GRIA4: variants seen among roughly 807,000 people sequenced by gnomAD.
The protein encoded by GRIA4 is glutamate ionotropic receptor AMPA type subunit 4.
GRIA4 carries 34 observed loss-of-function variants against 104.0 expected under a neutral mutation model. The observed-to-expected ratio is 0.33, with a 90% confidence interval of 0.25 to 0.44. GRIA4 has a LOEUF of 0.44. Ranked by LOEUF, GRIA4 falls within the 20% of genes least tolerant of loss-of-function variation. The pLI is 1.00. For missense variants in GRIA4, 750 were observed against 1,096.5 expected (o/e 0.68, Z 4.46); for synonymous variants, 386 against 381.9 (o/e 1.01, Z -0.13).
At chr11:105,822,107 T>G (rs755398080) in intron 4 of GRIA4, among the ~76,000 whole-genome samples, 3 of 152,146 alleles carry the variant, frequency 2.0e-5, no homozygotes, top group Non-Finnish European at 4.4e-5. Flanking sequence ...TTTGTAGACG[T>G]AGGGTTATTT....
intron 4 of GRIA4, among the ~76,000 whole-genome samples, chr11:105,759,240 T>A (rs1341740035): frequency 6.6e-6 from 1 of 152,208 alleles, no homozygotes; most frequent in Non-Finnish European, 1.5e-5. Flanking sequence ...CATTTTGATA[T>A]TCTTGGTCAT....
rs182319433 is a variant in GRIA4 at position 105,958,009 on chromosome 11, G to A, written c.2295-13905G>A. ...TTGCTTATCAGCTTAAGGAGATTTTGGCCTGAGATGATGGGGTTTTCTAAA... is the reference window on the plus strand; with the variant it reads ...TTGCTTATCAGCTTAAGGAGATTTTAGCCTGAGATGATGGGGTTTTCTAAA... On this transcript the variant is annotated intron_variant, in intron 14 of 16. Coordinates refer to ENST00000282499, the MANE Select transcript of GRIA4 (RefSeq NM_000829.4). Among the ~76,000 whole-genome samples, 80 of 152,224 alleles carry A rather than the reference G, an allele frequency of 5.3e-4. 1 individual carries two copies. Among genetic ancestry groups the A allele is most frequent in the Middle Eastern group, 3.4e-3 (1 of 294 alleles).
chr11:105,834,322 A>AC (rs1944094456), intron 4 of GRIA4, among the ~76,000 whole-genome samples: 1 of 152,104 alleles, frequency 6.6e-6, no homozygotes, highest in Non-Finnish European at 1.5e-5. Flanking sequence ...CAAGTATAAT[A>AC]GAAACTCAAT....
chr11:105,618,873 TGAG>T (rs1950667215), intron 3 of GRIA4, among the ~76,000 whole-genome samples: 1 of 151,586 alleles, frequency 6.6e-6, no homozygotes, highest in Non-Finnish European at 1.5e-5. Context: ...CAAAGAAAGC[TGAG>T]GAGAAGGGGT....
At chr11:105,734,027 T>C (rs1938772798) in intron 3 of GRIA4, among the ~76,000 whole-genome samples, 1 of 147,188 alleles carries the variant, frequency 6.8e-6, no homozygotes, top group Non-Finnish European at 1.5e-5. Context: ...TATGAATTCA[T>C]ATATATGTAT....
At chr11:105,840,573 A>G (rs1944355135) in intron 4 of GRIA4, among the ~76,000 whole-genome samples, 1 of 152,156 alleles carries the variant, frequency 6.6e-6, no homozygotes, top group Non-Finnish European at 1.5e-5. Flanking sequence ...TGTGCTGTAT[A>G]ATATTGGTGG....
intron 6 of GRIA4, among the ~76,000 whole-genome samples, chr11:105,894,791 AT>A (rs569292239): frequency 0.011 from 1,441 of 126,330 alleles, 53 homozygotes; most frequent in East Asian, 0.034. Context: ...ATTGCTACAT[AT>A]TTTTTTTTTT....
chr11:105,727,040 C>A (rs1396274712), intron 3 of GRIA4, among the ~76,000 whole-genome samples: 8 of 151,922 alleles, frequency 5.3e-5, no homozygotes, highest in Admixed American at 5.3e-4. Flanking sequence ...ATGAGTTTGA[C>A]AAATTGACAG....
chr11:105,731,248 T>C (rs1377007700), intron 3 of GRIA4, among the ~76,000 whole-genome samples: 1 of 152,148 alleles, frequency 6.6e-6, no homozygotes, highest in Non-Finnish European at 1.5e-5. Context: ...AAAGAAGACA[T>C]TCATGCGGCC....
rs908622443 is a variant in GRIA4 at position 105,644,546 on chromosome 11, G to C, written c.247+32112G>C. Among the ~76,000 whole-genome samples the C allele has an allele frequency of 1.5e-4, 23 of 152,166 alleles. 1 individual carries two copies. Among genetic ancestry groups the C allele is most frequent in the African/African-American group, 4.1e-4 (17 of 41,442 alleles). On this transcript the variant is annotated intron_variant, in intron 3 of 16. Transcript: ENST00000282499. Reference sequence around the variant, plus strand: ...TTGAACCTGGGAGATGGAGGTTGCAGTGAGCTGAGATCGTGCAATCGCACT... The same window carrying C: ...TTGAACCTGGGAGATGGAGGTTGCACTGAGCTGAGATCGTGCAATCGCACT...
rs116617654 is a variant in GRIA4 at position 105,741,049 on chromosome 11, G to A, written c.248-11932G>A. 2.5e-3 allele frequency among the ~76,000 whole-genome samples: 378 copies of A among 152,258 alleles called. 4 individuals are homozygous for A. The highest frequency in any genetic ancestry group is 8.2e-3 in the African/African-American group (341 of 41,558). On this transcript the variant is annotated intron_variant, in intron 3 of 16. Transcript: ENST00000282499. The stretch of plus-strand genomic sequence containing the variant: ...AGTTAGAAGAGTTAGGAGACTTGAA[G>A]CTGACTGGGCAAAAAATGGCAGCGT...
chr11:105,798,453 A>AT (rs2135828219), intron 4 of GRIA4, among the ~76,000 whole-genome samples: 1 of 152,226 alleles, frequency 6.6e-6, no homozygotes, highest in East Asian at 1.9e-4. Context: ...GGGAACAAAG[A>AT]TAAAAAGAGG....
chr11:105,826,955 T>A (rs1943791713), intron 4 of GRIA4, among the ~76,000 whole-genome samples: 1 of 152,074 alleles, frequency 6.6e-6, no homozygotes, highest in Non-Finnish European at 1.5e-5. Flanking sequence ...TTGTATAACC[T>A]GGTTGACATA....
intron 4 of GRIA4, among the ~76,000 whole-genome samples, chr11:105,812,717 T>C (rs1392200700): frequency 2.0e-5 from 3 of 152,150 alleles, no homozygotes; most frequent in African/African-American, 7.2e-5. Flanking sequence ...AATCATACCC[T>C]ACTCGCTAAA....
intron 3 of GRIA4, among the ~76,000 whole-genome samples, chr11:105,676,648 C>T (rs138588393): frequency 5.0e-4 from 76 of 151,628 alleles, no homozygotes; most frequent in Non-Finnish European, 9.6e-4. Flanking sequence ...ATGTTGGTGG[C>T]GACAGAAGTG....
In GRIA4 at chr11:105,898,294, G is replaced by A. The variant is rs764745185; in HGVS notation, c.752G>A (p.Arg251Lys). 1.9e-6 allele frequency: 3 copies of A among 1,566,030 alleles called. No individual in the cohort carries two copies. Among genetic ancestry groups the A allele is most frequent in the East Asian group, 2.2e-5 (1 of 44,510 alleles). ...NLGFKDISLE[R>K]FIHGGANVTG... ...GGATTCAAGGATATTTCTCTTGAGA[G>A]GTTTATACATGGTGGAGCCAATGTT... Residue 251 changes from arginine (R) to lysine (K), a missense_variant, in exon 7 of 17, where the codon AGG (arginine) becomes AAG (lysine). This residue lies in a region of GRIA4 where 410 missense variants were observed against 502.7 expected (regional missense o/e 0.82). Coordinates refer to ENST00000282499, the MANE Select transcript of GRIA4 (RefSeq NM_000829.4).
intron 2 of GRIA4, among the ~76,000 whole-genome samples, 177 bp downstream of exon 2, chr11:105,611,262 G>A (rs1325859627): frequency 6.6e-6 from 1 of 151,818 alleles, no homozygotes; most frequent in African/African-American, 2.4e-5. Flanking sequence ...TGCAGGTTCC[G>A]TTGGAATACA....
chr11:105,740,224 T>C (rs1328204899), intron 3 of GRIA4, among the ~76,000 whole-genome samples: 2 of 152,236 alleles, frequency 1.3e-5, no homozygotes, highest in Non-Finnish European at 2.9e-5. Flanking sequence ...TTATACTTCT[T>C]TGTTTTAATA....
At chr11:105,781,718 G>T (rs1337824619) in intron 4 of GRIA4, among the ~76,000 whole-genome samples, 1 of 152,032 alleles carries the variant, frequency 6.6e-6, no homozygotes, top group Non-Finnish European at 1.5e-5. Context: ...ACAAGAATCG[G>T]AGACACAAAA....
Sources: allele counts gnomAD v4.1 joint callset (sites outside exome capture counted in the v4.1 genomes callset), GRCh38; gene constraint gnomAD v4.1.1; regional missense constraint gnomAD v4.1.1; transcripts MANE v1.5; gene names NCBI Gene and HGNC (gene_info 2026-07-23, HGNC 2026-07-21).